The following MEI4 variants were observed in gnomAD, a reference collection of about 807,000 sequenced individuals.
MEI4 encodes meiosis-specific protein MEI4.
A neutral mutation model predicts 31.4 loss-of-function variants in MEI4; 27 were observed. That is an observed-to-expected ratio of 0.86 (90% CI 0.63 to 1.19). MEI4 has a LOEUF of 1.19. Ranked by LOEUF, MEI4 falls within the 50% of genes most tolerant of loss-of-function variation. The pLI is 0.00. For missense variants in MEI4, 329 were observed against 398.9 expected (o/e 0.82, Z 1.49); for synonymous variants, 122 against 145.4 (o/e 0.84, Z 1.16).
intron 4 of MEI4, 79 bp downstream of exon 4, chr6:77,829,141 C>A: frequency 9.5e-7 from 1 of 1,057,812 alleles, no homozygotes; most frequent in Non-Finnish European, 1.2e-6. Context: ...CTTCTTTCTT[C>A]TCTTCTTTCC....
chr6:77,739,222 C>T (rs1007233809), intron 2 of MEI4, among the ~76,000 whole-genome samples: 1 of 151,946 alleles, frequency 6.6e-6, no homozygotes, highest in Non-Finnish European at 1.5e-5. Context: ...TGAGTTTTAC[C>T]TTTAAGTCTT....
rs1032977058 is a variant in MEI4, at chr6:77,923,881, C to CTTAA, written c.*538_*541dup. 2 of 151,688 alleles carry CTTAA rather than the reference C, an allele frequency of 1.3e-5. No individual in the cohort carries two copies. The highest frequency in any genetic ancestry group is 3.0e-5 in the Non-Finnish European group (2 of 67,796). The allele number at this position is 151,688 out of a possible 1,614,324, so 9.4% of individuals were successfully genotyped here. A position where few individuals can be genotyped will look rare whatever the true frequency, so the allele number is the denominator to read the frequency against. On this transcript the variant is annotated 3_prime_UTR_variant, in exon 5 of 5. Coordinates refer to ENST00000684080, the MANE Select transcript of MEI4 (RefSeq NM_001322247.2). ...GTAGAACTTTTTTAACATTTGGAAA[C>CTTAA]TTAATTGCTTTTTATTTATTTCAAT... is the stretch of plus-strand genomic sequence containing the variant.
intron 1 of MEI4, among the ~76,000 whole-genome samples, chr6:77,673,668 G>T (rs1562200718): frequency 6.6e-6 from 1 of 152,170 alleles, no homozygotes; most frequent in Non-Finnish European, 1.5e-5. Context: ...ATTGGTTTAG[G>T]TGATGAGTAC....
At chr6:77,665,115 G>A (rs61492196) in intron 1 of MEI4, among the ~76,000 whole-genome samples, 6,726 of 151,502 alleles carry the variant, frequency 0.044, 513 homozygotes, top group African/African-American at 0.15. Context: ...GGGTTGGGGC[G>A]CAGAGATAAG....
chr6:77,705,357 T>G (rs758836716), intron 2 of MEI4, among the ~76,000 whole-genome samples: 1 of 152,178 alleles, frequency 6.6e-6, no homozygotes, highest in Non-Finnish European at 1.5e-5. Context: ...TAAAAAGAAA[T>G]GTATTGCATA....
At chr6:77,854,054 G>A (rs1770693302) in intron 4 of MEI4, among the ~76,000 whole-genome samples, 1 of 152,048 alleles carries the variant, frequency 6.6e-6, no homozygotes. Flanking sequence ...GTGACCATGA[G>A]CTTCCTTTTT....
intron 1 of MEI4, among the ~76,000 whole-genome samples, chr6:77,659,947 T>C (rs12179434): frequency 0.3 from 45,760 of 151,146 alleles, 6,948 homozygotes; most frequent in South Asian, 0.41. Context: ...AGAGTTAATA[T>C]AAGGAGAAAG....
chr6:77,768,736 A>C (rs1441387157), intron 3 of MEI4, among the ~76,000 whole-genome samples: 1 of 152,050 alleles, frequency 6.6e-6, no homozygotes, highest in Non-Finnish European at 1.5e-5. Flanking sequence ...CAACAGGAGA[A>C]AGAAAAGGAA....
At chr6:77,916,541 C>G (rs879760597) in intron 4 of MEI4, among the ~76,000 whole-genome samples, 1 of 151,946 alleles carries the variant, frequency 6.6e-6, no homozygotes, top group Non-Finnish European at 1.5e-5. Context: ...CAGCTCTAAG[C>G]AGTATTAGTA....
intron 4 of MEI4, among the ~76,000 whole-genome samples, chr6:77,917,255 G>A (rs1411935552): frequency 6.6e-6 from 1 of 151,468 alleles, no homozygotes; most frequent in Non-Finnish European, 1.5e-5. Context: ...CTTTATAGCA[G>A]CATGATTTAT....
At position 77,889,297 on chromosome 6, in the gene MEI4, G is replaced by A. The variant is rs9352539; in HGVS notation, c.901-33792G>A. 3.3e-5 allele frequency among the ~76,000 whole-genome samples: 5 copies of A among 152,268 alleles called. No individual in the cohort carries two copies. In the East Asian group the frequency reaches 9.7e-4, roughly 30 times the overall value. ...TCCTAGAGACTTGTTGAGTGGCTTT[G>A]ACCAAAATGCTGATAATGATATAGA... On this transcript the variant is annotated intron_variant, in intron 4 of 4. Transcript: ENST00000684080.
intron 2 of MEI4, among the ~76,000 whole-genome samples, chr6:77,752,729 C>T (rs1313328046): frequency 6.6e-6 from 1 of 152,162 alleles, no homozygotes; most frequent in Non-Finnish European, 1.5e-5. Flanking sequence ...CTACCACTGA[C>T]TTTCTTCACA....
intron 2 of MEI4, among the ~76,000 whole-genome samples, chr6:77,723,171 A>C (rs1217966313): frequency 2.1e-5 from 3 of 144,302 alleles, no homozygotes; most frequent in East Asian, 4.0e-4. Flanking sequence ...TTAGTCCTAC[A>C]GTCCCCTCAG....
At chr6:77,907,461 A>C (rs982578279) in intron 4 of MEI4, among the ~76,000 whole-genome samples, 2 of 152,174 alleles carry the variant, frequency 1.3e-5, no homozygotes, top group African/African-American at 4.8e-5. Flanking sequence ...TACAAAGGAC[A>C]TGAACTCATC....
intron 3 of MEI4, among the ~76,000 whole-genome samples, chr6:77,789,065 A>G (rs1208568313): frequency 6.6e-6 from 1 of 152,216 alleles, no homozygotes; most frequent in African/African-American, 2.4e-5. Context: ...GATGTAGACC[A>G]ATGGAACCAG....
intron 4 of MEI4, among the ~76,000 whole-genome samples, chr6:77,883,731 T>G (rs1374881668): frequency 7.1e-6 from 1 of 141,304 alleles, no homozygotes; most frequent in African/African-American, 2.7e-5. Flanking sequence ...TATATATATA[T>G]ATATATATAT....
chr6:77,910,017 C>T (rs202178952), intron 4 of MEI4, among the ~76,000 whole-genome samples: 3 of 152,068 alleles, frequency 2.0e-5, no homozygotes, highest in African/African-American at 7.2e-5. Flanking sequence ...AACCTTCATG[C>T]TAAAAACTCT....
chr6:77,871,554 G>T (rs1771192293), intron 4 of MEI4, among the ~76,000 whole-genome samples: 1 of 152,040 alleles, frequency 6.6e-6, no homozygotes, highest in Non-Finnish European at 1.5e-5. Flanking sequence ...AGCAGGGAGA[G>T]AGGGAGGAGG....
chr6:77,705,310 A>G (rs1766308289), intron 2 of MEI4, among the ~76,000 whole-genome samples: 1 of 152,216 alleles, frequency 6.6e-6, no homozygotes. Context: ...CTATACTATT[A>G]TATCAATCCA....
Sources: allele counts gnomAD v4.1 joint callset (sites outside exome capture counted in the v4.1 genomes callset), GRCh38; gene constraint gnomAD v4.1.1; transcripts MANE v1.5; gene names NCBI Gene and HGNC (gene_info 2026-07-23, HGNC 2026-07-21).